LYST: variants seen among roughly 807,000 people sequenced by gnomAD.
LYST encodes the protein lysosomal trafficking regulator.
In LYST, 192 loss-of-function variants were observed where a neutral mutation model predicts 413.6. The observed-to-expected ratio is 0.46, with a 90% CI of 0.41 to 0.52. The LOEUF is 0.52. Among genes scored for constraint, LYST ranks in the 20% least tolerant of loss-of-function variants. LYST has a pLI of 0.00. For missense variants in LYST, 3,815 were observed against 4,499.9 expected, an observed-to-expected ratio of 0.85 and a Z score of 4.35; for synonymous variants, 1,525 against 1,567.3, an observed-to-expected ratio of 0.97 and a Z score of 0.64.
At chr1:235,668,959 A>G (rs116361028) in intron 50 of LYST, among the ~76,000 whole-genome samples, 76 of 152,328 alleles carry the variant, frequency 5.0e-4, no homozygotes, top group African/African-American at 1.6e-3. Flanking sequence ...ATTCTTTCAT[A>G]TCTGAAATCT....
At chr1:235,788,679 G>A in intron 13 of LYST, 22 bp downstream of exon 13, 1 of 1,609,116 alleles carries the variant, frequency 6.2e-7, no homozygotes, top group East Asian at 2.2e-5. Context: ...TCTATTCATG[G>A]GAGGCTGAGG....
At chr1:235,869,914 C>T (rs1680857926), upstream of LYST, among the ~76,000 whole-genome samples, 1 of 152,120 alleles carries the variant, frequency 6.6e-6, no homozygotes, top group South Asian at 2.1e-4. Context: ...GGGCTTTGCA[C>T]TGACTGGCCG....
At position 235,715,321 on chromosome 1, in the gene LYST, C is replaced by T; in HGVS notation, c.9664G>A (p.Asp3222Asn). The T allele has an allele frequency of 6.2e-7, 1 of 1,614,026 alleles. No homozygotes were observed. Among genetic ancestry groups the T allele is most frequent in the South Asian group, 1.1e-5 (1 of 91,076 alleles). ...EEEYRKGARE[D>N]DPMPPVQPYH... ...GGCTGCACGGGAGGCATGGGGTCAT[C>T]TTCTCTGGCTCCTTTGCGGTACTCT... The change falls in exon 42 of 53, where the codon GAT becomes AAT. Residue 3222 changes from aspartate (D) to asparagine (N), a missense_variant. Physicochemically the swap from Asp to Asn is conservative, Grantham distance 23. This residue lies in a region of LYST where 866 missense variants were observed against 1,156.0 expected (regional missense o/e 0.75). Transcript: ENST00000389793.
intron 10 of LYST, among the ~76,000 whole-genome samples, chr1:235,796,824 T>C (rs1671599674): frequency 6.6e-6 from 1 of 152,218 alleles, no homozygotes; most frequent in Non-Finnish European, 1.5e-5. Context: ...AATCACTCAG[T>C]CTGTGGTATT....
chr1:235,787,996 C>T (rs777051388), intron 13 of LYST, among the ~76,000 whole-genome samples: 8 of 151,984 alleles, frequency 5.3e-5, no homozygotes, highest in African/African-American at 9.7e-5. Context: ...ATTAGGTAAT[C>T]GCTATTAAAT....
chr1:235,813,194 A>C, intron 3 of LYST, 133 bp from the exon 4 acceptor site: 1 of 690,414 alleles, frequency 1.4e-6, no homozygotes, highest in Non-Finnish European at 2.7e-6. Flanking sequence ...GAATCAAATT[A>C]ACCTATCTTC....
chr1:235,690,908 C>G (rs930500802), intron 47 of LYST, among the ~76,000 whole-genome samples: 1 of 141,076 alleles, frequency 7.1e-6, no homozygotes, highest in Non-Finnish European at 1.5e-5. Context: ...TTACAGTTTA[C>G]AAGTTTCTTT....
chr1:235,708,166 T>A (rs1662132242), intron 44 of LYST, among the ~76,000 whole-genome samples: 1 of 152,150 alleles, frequency 6.6e-6, no homozygotes, highest in Non-Finnish European at 1.5e-5. Flanking sequence ...TTATTATTAT[T>A]ATATAAATGG....
intron 31 of LYST, among the ~76,000 whole-genome samples, chr1:235,741,045 A>G (rs1445251171): frequency 6.6e-6 from 1 of 152,160 alleles, no homozygotes; most frequent in African/African-American, 2.4e-5. Flanking sequence ...TATTTTTGAG[A>G]TATGTTATAT....
At chr1:235,803,141 G>T in intron 7 of LYST, 77 bp from the exon 8 acceptor site, 1 of 1,117,154 alleles carries the variant, frequency 9.0e-7, no homozygotes. Context: ...CAAAAGTCAT[G>T]TTAAGGACAG....
chr1:235,669,476 G>A (rs1031992769), intron 50 of LYST, among the ~76,000 whole-genome samples: 4 of 152,218 alleles, frequency 2.6e-5, no homozygotes, highest in African/African-American at 7.2e-5. Flanking sequence ...AACTGATTGT[G>A]GGTGGAGTCT....
chr1:235,756,286 A>G (rs148093422), intron 24 of LYST, among the ~76,000 whole-genome samples: 29 of 152,264 alleles, frequency 1.9e-4, no homozygotes, highest in Middle Eastern at 3.4e-3. Flanking sequence ...AAAGCTTTCT[A>G]AGTTTACAGC....
intron 11 of LYST, among the ~76,000 whole-genome samples, chr1:235,793,070 T>C (rs1671188970): frequency 6.6e-6 from 1 of 152,204 alleles, no homozygotes; most frequent in Non-Finnish European, 1.5e-5. Flanking sequence ...ATGGGTTTCC[T>C]AGCAGATAAT....
chr1:235,774,872 C>A (rs770719390), intron 18 of LYST, 41 bp downstream of exon 18: 7 of 1,288,280 alleles, frequency 5.4e-6, no homozygotes, highest in African/African-American at 4.4e-5. Flanking sequence ...ATGAGTATCA[C>A]TGCATATGAA....
chr1:235,857,114 T>G (rs1345618367), intron 1 of LYST, among the ~76,000 whole-genome samples: 2 of 151,996 alleles, frequency 1.3e-5, no homozygotes, highest in African/African-American at 4.8e-5. Context: ...CCTAGCTAAT[T>G]TTTTGTATTT....
At chr1:235,849,727 C>G (rs1229148576) in intron 1 of LYST, among the ~76,000 whole-genome samples, 1 of 145,656 alleles carries the variant, frequency 6.9e-6, no homozygotes, top group Non-Finnish European at 1.5e-5. Context: ...CCAACAGCGA[C>G]CAAGTGGAGA....
At chr1:235,850,269 G>A (rs1678374473) in intron 1 of LYST, among the ~76,000 whole-genome samples, 1 of 152,070 alleles carries the variant, frequency 6.6e-6, no homozygotes, top group African/African-American at 2.4e-5. Context: ...AAAACATAAA[G>A]TGGGGAAAGG....
At chr1:235,747,473 CAGT>C (rs1446901598) in intron 28 of LYST, 2 of 194,576 alleles carry the variant, frequency 1.0e-5, no homozygotes, top group Non-Finnish European at 2.2e-5. Flanking sequence ...TTAGATTGCT[CAGT>C]ATTTTGGGTA....
intron 42 of LYST, among the ~76,000 whole-genome samples, chr1:235,713,973 G>A (rs2103131596): frequency 6.6e-6 from 1 of 152,266 alleles, no homozygotes; most frequent in South Asian, 2.1e-4. Flanking sequence ...ATATTAATGG[G>A]TTCTTGGGCT....
Sources: allele counts gnomAD v4.1 joint callset (sites outside exome capture counted in the v4.1 genomes callset), GRCh38; gene constraint gnomAD v4.1.1; regional missense constraint gnomAD v4.1.1; transcripts MANE v1.5; gene names NCBI Gene and HGNC (gene_info 2026-07-23, HGNC 2026-07-21).